The following ZNF587 variants were observed in gnomAD, a reference collection of about 807,000 sequenced individuals.
The protein encoded by ZNF587 is zinc finger protein 587, also known as zinc finger protein zfp6.
In ZNF587, 8 loss-of-function variants were observed where a neutral mutation model predicts 7.5. The ratio of observed to expected loss-of-function variants is 1.06; its 90% CI spans 0.62 to 1.92. The LOEUF (loss-of-function observed/expected upper bound fraction) is 1.92, where lower values mean the gene tolerates loss of function less well. Among genes scored for constraint, ZNF587 ranks in the 40% most tolerant of loss-of-function variants. ZNF587 has a pLI of 0.00. For synonymous variants in ZNF587, 145 were observed against 237.8 expected (o/e 0.61, Z 3.59); for missense variants, 468 against 692.8 (o/e 0.68, Z 3.64).
intron 1 of ZNF587, among the ~76,000 whole-genome samples, chr19:57,855,631 G>C (rs1381412463): frequency 6.8e-6 from 1 of 147,422 alleles, no homozygotes; most frequent in Admixed American, 6.9e-5. Flanking sequence ...GTGTGATCTC[G>C]GCTCACTACA....
Position 57,860,266 on chromosome 19 carries a change from G to C in ZNF587, c.*126G>C, listed in dbSNP as rs767424738. On this transcript the variant is annotated 3_prime_UTR_variant, in exon 3 of 3. Coordinates refer to ENST00000339656, the MANE Select transcript of ZNF587 (RefSeq NM_032828.4). ...AAACATCAGAATGTCTGCTGTCCTC[G>C]GTCTTAAGCGACTTCGTGTTGAGAT... 3 of 1,544,414 alleles carry C rather than the reference G, an allele frequency of 1.9e-6. No homozygotes were observed. The highest frequency in any genetic ancestry group is 2.3e-5 in the East Asian group (1 of 44,378).
In ZNF587 at chr19:57,864,993, C is replaced by G. The variant is rs1044539102; in HGVS notation, c.*4853C>G. The stretch of plus-strand genomic sequence containing the variant: ...GTTTATATAAGCAAAAGTTTCAGTA[C>G]TAAGCAATTTTAGTCTCTGCAGTCT... On this transcript the variant is annotated 3_prime_UTR_variant, in exon 3 of 3. Transcript: ENST00000339656. The G allele has an allele frequency of 6.6e-6, 1 of 152,174 alleles. No homozygotes were observed. The highest frequency in any genetic ancestry group is 1.5e-5 in the Non-Finnish European group (1 of 68,040). The allele number at this position is 152,174 out of a possible 1,614,324, so 9.4% of individuals were successfully genotyped here.
In ZNF587 at chr19:57,859,895, A is replaced by G; in HGVS notation, c.1483A>G (p.Ser495Gly). The change falls in exon 3 of 3, where the codon AGT (serine) becomes GGT (glycine). Residue 495 changes from serine to glycine, a missense_variant. Ser to Gly is a moderately conservative substitution (Grantham distance 56, BLOSUM62 0). This residue lies in a region of ZNF587 where 310 missense variants were observed against 325.6 expected (regional missense o/e 0.95). Coordinates refer to ENST00000339656, the MANE Select transcript of ZNF587 (RefSeq NM_032828.4). The stretch of plus-strand genomic sequence containing the variant: ...CACTGGAGAAAGGCCGTATGAATGC[A>G]GTGAATGTGGGAAATCATTTCTTTC... ...IHTGERPYEC[S>G]ECGKSFLSSS... The G allele has an allele frequency of 9.9e-6, 16 of 1,614,138 alleles. No homozygotes were observed. Among genetic ancestry groups the G allele is most frequent in the Non-Finnish European group, 1.3e-5 (15 of 1,180,006 alleles).
At chr19:57,856,727 C>G (rs1317233086) in intron 2 of ZNF587, among the ~76,000 whole-genome samples, 4 of 152,038 alleles carry the variant, frequency 2.6e-5, no homozygotes, top group Non-Finnish European at 5.9e-5. Context: ...TCTCCTTAAG[C>G]AGCTCCAACA....
chr19:57,854,215 C>T (rs562914761), intron 1 of ZNF587: 13 of 152,158 alleles, frequency 8.5e-5, no homozygotes, highest in South Asian at 2.1e-4. Flanking sequence ...GGGCTTTAAA[C>T]GGCATTAGGT....
At chr19:57,857,932 G>A (rs775399265) in intron 2 of ZNF587, among the ~76,000 whole-genome samples, 6 of 149,566 alleles carry the variant, frequency 4.0e-5, no homozygotes, top group South Asian at 2.1e-4. Context: ...CACCGTGCCC[G>A]GCCCATATTC....
Position 57,861,102 on chromosome 19 carries a change from G to C in ZNF587, c.*962G>C, listed in dbSNP as rs1013561717. The C allele has an allele frequency of 1.3e-5, 2 of 152,022 alleles. No individual in the cohort carries two copies. Among genetic ancestry groups the C allele is most frequent in the Non-Finnish European group, 2.9e-5 (2 of 68,024 alleles). The allele number at this position is 152,022 out of a possible 1,614,324, so 9.4% of individuals were successfully genotyped here. A position where few individuals can be genotyped will look rare whatever the true frequency, so the allele number is the denominator to read the frequency against. The stretch of plus-strand genomic sequence containing the variant: ...GTTATGAACTGACCTCAAGTGATCT[G>C]CCTGCCTCAGCTTCTCAGGTGTGAC... On this transcript the variant is annotated 3_prime_UTR_variant, in exon 3 of 3. Coordinates refer to ENST00000339656, the MANE Select transcript of ZNF587 (RefSeq NM_032828.4).
chr19:57,855,298 T>C (rs904388065), intron 1 of ZNF587, among the ~76,000 whole-genome samples: 3 of 152,074 alleles, frequency 2.0e-5, no homozygotes, highest in East Asian at 1.9e-4. Context: ...TGAGCCATGA[T>C]TGTGTTCCTG....
chr19:57,861,773 C>CTTTTTTTTT lies in ZNF587; in HGVS notation c.*1641_*1649dup, dbSNP rs59253366. On this transcript the variant is annotated 3_prime_UTR_variant, in exon 3 of 3. Coordinates refer to ENST00000339656, the MANE Select transcript of ZNF587 (RefSeq NM_032828.4). ...TTTGCTGCAAGGAATATTTGGTTTT[C>CTTTTTTTTT]TTTTTTTTTTTTTTTTCCAGATGGA... The CTTTTTTTTT allele has an allele frequency of 0.19, 22,747 of 116,956 alleles. 2,707 individuals are homozygous for CTTTTTTTTT. Among genetic ancestry groups the CTTTTTTTTT allele is most frequent in the East Asian group, 0.34 (1,285 of 3,814 alleles). 7.2% of individuals were successfully genotyped at this position (116,956 alleles called of 1,614,324 possible).
rs780626130 is a variant in ZNF587 at position 57,860,162 on chromosome 19, G to A, written c.*22G>A. 19 of 1,613,754 alleles carry A rather than the reference G, an allele frequency of 1.2e-5. No individual in the cohort carries two copies. Among genetic ancestry groups the A allele is most frequent in the African/African-American group, 5.3e-5 (4 of 74,830 alleles). On this transcript the variant is annotated 3_prime_UTR_variant, in exon 3 of 3. Transcript: ENST00000339656. ...ATGAGTGCAGTGAATATGGGAAATC[G>A]TTTGCTGAAGCATCCCGTCTCGTTA...
In ZNF587 at chr19:57,852,133, C is replaced by T. The variant is rs539222856; in HGVS notation, c.33+2062C>T. ...CTCTAGCTTGTGGTGTCCTGGGACT[C>T]TTAAGTGCCATTTTTTTCAGTCCTT... On this transcript the variant is annotated intron_variant, in intron 1 of 2. Coordinates refer to ENST00000339656, the MANE Select transcript of ZNF587 (RefSeq NM_032828.4). The T allele has an allele frequency of 4.8e-5, 17 of 353,744 alleles. No homozygotes were observed. In the East Asian group the frequency reaches 6.6e-4, roughly 14 times the overall value. 21.9% of individuals were successfully genotyped at this position (353,744 alleles called of 1,614,324 possible). A position where few individuals can be genotyped will look rare whatever the true frequency, so the allele number is the denominator to read the frequency against.
chr19:57,857,695 T>C (rs1187969960), intron 2 of ZNF587, among the ~76,000 whole-genome samples: 1 of 151,882 alleles, frequency 6.6e-6, no homozygotes, highest in African/African-American at 2.4e-5. Context: ...AGTGCAATGG[T>C]ATGATCTCGG....
Position 57,859,809 on chromosome 19 carries a change from G to T in ZNF587, c.1397G>T (p.Cys466Phe). 6.2e-7 allele frequency: 1 copy of T among 1,614,194 alleles called. No individual in the cohort carries two copies. Among genetic ancestry groups the T allele is most frequent in the Non-Finnish European group, 8.5e-7 (1 of 1,180,024 alleles). ...CACACTGGAGAAAGGCCATATGCGT[G>T]TGAGGTATGTGGGAAATTATTTGGC... is the stretch of plus-strand genomic sequence containing the variant. ...RVHTGERPYA[C>F]EVCGKLFGNK... Residue 466 changes from cysteine (C) to phenylalanine (F), a missense_variant, in exon 3 of 3, where the codon TGT becomes TTT. Cys to Phe is a radical substitution (Grantham distance 205, BLOSUM62 -2). This residue lies in a region of ZNF587 where 310 missense variants were observed against 325.6 expected (regional missense o/e 0.95). Coordinates refer to ENST00000339656, the MANE Select transcript of ZNF587 (RefSeq NM_032828.4).
At position 57,849,935 on chromosome 19, in the gene ZNF587, T is replaced by C; in HGVS notation, c.-104T>C. 3.1e-6 allele frequency: 5 copies of C among 1,605,818 alleles called. No homozygotes were observed. The highest frequency in any genetic ancestry group is 2.2e-5 in the South Asian group (2 of 90,224). ...GAGTGCTGGGTGGGACCGCGGTGAC[T>C]GAACCTAGAAGGTGGAGAGGAATCG... On this transcript the variant is annotated 5_prime_UTR_variant, in exon 1 of 3. Coordinates refer to ENST00000339656, the MANE Select transcript of ZNF587 (RefSeq NM_032828.4).
rs952635822 is a variant in ZNF587 at position 57,863,464 on chromosome 19, T to C, written c.*3324T>C. 1 of 152,172 alleles carries C rather than the reference T, an allele frequency of 6.6e-6. No individual in the cohort carries two copies. The highest frequency in any genetic ancestry group is 6.6e-5 in the Admixed American group (1 of 15,266). 9.4% of individuals were successfully genotyped at this position (152,172 alleles called of 1,614,324 possible). ...CGGGGTTTTACTGTATTTGCCAGGATGGTCTCGATCTCCAGACCTCGTGAT... is the reference window on the plus strand; with the variant it reads ...CGGGGTTTTACTGTATTTGCCAGGACGGTCTCGATCTCCAGACCTCGTGAT... On this transcript the variant is annotated 3_prime_UTR_variant, in exon 3 of 3. Coordinates refer to ENST00000339656, the MANE Select transcript of ZNF587 (RefSeq NM_032828.4).
rs1480371859 is a variant in ZNF587 at position 57,864,235 on chromosome 19, G to C, written c.*4095G>C. The C allele has an allele frequency of 6.8e-6, 1 of 146,998 alleles. No homozygotes were observed. Among genetic ancestry groups the C allele is most frequent in the East Asian group, 2.1e-4 (1 of 4,852 alleles). The allele number at this position is 146,998 out of a possible 1,614,324, so 9.1% of individuals were successfully genotyped here. A position where few individuals can be genotyped will look rare whatever the true frequency, so the allele number is the denominator to read the frequency against. ...TGCAACCTCCGCCTCCCAGGTTCAA[G>C]TGATTCTCTTGCCTCAGCCTCCCGA... On this transcript the variant is annotated 3_prime_UTR_variant, in exon 3 of 3. Transcript: ENST00000339656.
rs1437070663 is a variant in ZNF587, at chr19:57,860,284, G to A, written c.*144G>A. 3 of 1,484,612 alleles carry A rather than the reference G, an allele frequency of 2.0e-6. No homozygotes were observed. The highest frequency in any genetic ancestry group is 1.8e-4 in the Middle Eastern group (1 of 5,650). The allele number at this position is 1,484,612 out of a possible 1,614,324, so 92.0% of individuals were successfully genotyped here. Reference sequence around the variant, plus strand: ...TGTCCTCGGTCTTAAGCGACTTCGTGTTGAGATGGAGTCTTGTTCTGTCAC... The same window carrying A: ...TGTCCTCGGTCTTAAGCGACTTCGTATTGAGATGGAGTCTTGTTCTGTCAC... On this transcript the variant is annotated 3_prime_UTR_variant, in exon 3 of 3. Coordinates refer to ENST00000339656, the MANE Select transcript of ZNF587 (RefSeq NM_032828.4).
rs764640053 is a variant in ZNF587 at position 57,850,088 on chromosome 19, C to G, written c.33+17C>G. 3.7e-6 allele frequency: 6 copies of G among 1,614,260 alleles called. No individual in the cohort carries two copies. The highest frequency in any genetic ancestry group is 4.2e-6 in the Non-Finnish European group (5 of 1,180,056). ...CCAACTCAGGTAATTGTGGTGCCTT[C>G]TGTGCCCTCAGGTCACCCCATCGTC... On this transcript the variant is annotated intron_variant, in intron 1 of 2. Coordinates refer to ENST00000339656, the MANE Select transcript of ZNF587 (RefSeq NM_032828.4).
intron 1 of ZNF587, among the ~76,000 whole-genome samples, chr19:57,853,280 T>C (rs1320368675): frequency 1.3e-5 from 2 of 152,200 alleles, no homozygotes; most frequent in African/African-American, 2.4e-5. Flanking sequence ...GGTATTGACA[T>C]AATATTCACT....
Sources: allele counts gnomAD v4.1 joint callset (sites outside exome capture counted in the v4.1 genomes callset), GRCh38; gene constraint gnomAD v4.1.1; regional missense constraint gnomAD v4.1.1; transcripts MANE v1.5; gene names NCBI Gene and HGNC (gene_info 2026-07-23, HGNC 2026-07-21).